MIB1: variants seen among roughly 807,000 people sequenced by gnomAD.
MIB1 encodes the protein E3 ubiquitin-protein ligase MIB1.
MIB1 carries 278 observed loss-of-function variants against 124.5 expected under a neutral mutation model. The observed-to-expected ratio is 2.23, with a 90% CI of 2.02 to 2.47. The LOEUF is 2.47. Ranked by LOEUF, MIB1 falls within the 30% of genes most tolerant of loss-of-function variation. The pLI is 0.00. For missense variants in MIB1, 957 were observed against 1,254.4 expected, an observed-to-expected ratio of 0.76 and a Z score of 3.58; for synonymous variants, 446 against 429.4, an observed-to-expected ratio of 1.04 and a Z score of -0.48.
At chr18:21,846,151 A>G (rs1339793456) in intron 15 of MIB1, among the ~76,000 whole-genome samples, 3 of 152,130 alleles carry the variant, frequency 2.0e-5, no homozygotes, top group African/African-American at 4.8e-5. Context: ...TGACTATTCT[A>G]AGTCCTTCAC....
chr18:21,817,262 C>T (rs532826175), intron 11 of MIB1, among the ~76,000 whole-genome samples: 46 of 149,886 alleles, frequency 3.1e-4, no homozygotes, highest in Admixed American at 2.1e-3. Context: ...TCAGGGCCCA[C>T]CTCAGCCTCC....
chr18:21,708,401 C>T (rs1045082918), intron 1 of MIB1, among the ~76,000 whole-genome samples: 1 of 152,196 alleles, frequency 6.6e-6, no homozygotes, highest in East Asian at 1.9e-4. Flanking sequence ...CGCCTGTAAT[C>T]CCAGCACTTT....
intron 1 of MIB1, among the ~76,000 whole-genome samples, chr18:21,723,602 G>A (rs370864860): frequency 4.6e-5 from 7 of 151,834 alleles, no homozygotes; most frequent in African/African-American, 1.7e-4. Flanking sequence ...TGCAACCTCC[G>A]CCTCCTGGGT....
chr18:21,729,138 T>C (rs2040756220), intron 1 of MIB1, among the ~76,000 whole-genome samples: 1 of 152,224 alleles, frequency 6.6e-6, no homozygotes, highest in African/African-American at 2.4e-5. Flanking sequence ...AATGACCTGC[T>C]TATATATCTG....
intron 1 of MIB1, among the ~76,000 whole-genome samples, chr18:21,714,595 T>G (rs148572155): frequency 5.3e-4 from 81 of 152,296 alleles, no homozygotes; most frequent in African/African-American, 1.9e-3. Context: ...TATCCTCCCA[T>G]GCTGAATCTG....
rs1320370853 is a variant in MIB1 at position 21,861,554 on chromosome 18, C to T, written c.2880+2908C>T. The stretch of plus-strand genomic sequence containing the variant: ...TTATACTTTCTTAAATAATCCTCAT[C>T]GCCATATTTTATCACTGAAGTATTT... On this transcript the variant is annotated intron_variant, in intron 20 of 20. Transcript: ENST00000261537. Among the ~76,000 whole-genome samples the T allele has an allele frequency of 3.3e-5, 5 of 151,632 alleles. No individual in the cohort carries two copies. The South Asian group carries it at 8.3e-4, about 25-fold the overall frequency.
chr18:21,783,798 G>C (rs2041400170), intron 6 of MIB1, among the ~76,000 whole-genome samples: 1 of 151,774 alleles, frequency 6.6e-6, no homozygotes, highest in Non-Finnish European at 1.5e-5. Flanking sequence ...TCAGGCTGTA[G>C]TGCAGTGACA....
At chr18:21,836,830 TA>T (rs1391217296) in intron 12 of MIB1, among the ~76,000 whole-genome samples, 2 of 152,222 alleles carry the variant, frequency 1.3e-5, no homozygotes, top group East Asian at 3.8e-4. Flanking sequence ...TGTATGGCAT[TA>T]ACATCATGAC....
At chr18:21,842,719 A>G (rs1173049977) in intron 13 of MIB1, among the ~76,000 whole-genome samples, 2 of 152,210 alleles carry the variant, frequency 1.3e-5, no homozygotes, top group Non-Finnish European at 2.9e-5. Flanking sequence ...AAGTGAACTT[A>G]TTAGGTCATT....
At chr18:21,806,625 G>T (rs867049126) in intron 10 of MIB1, among the ~76,000 whole-genome samples, 30 of 141,630 alleles carry the variant, frequency 2.1e-4, no homozygotes, top group South Asian at 6.7e-4. Flanking sequence ...TTTGTTTTTT[G>T]TTTTTTTTTT....
intron 1 of MIB1, among the ~76,000 whole-genome samples, chr18:21,724,730 AT>A (rs1568176742): frequency 4.3e-3 from 178 of 41,346 alleles, no homozygotes; most frequent in Middle Eastern, 0.012. Context: ...AAAAAAAAAT[AT>A]ATATATATAT....
At chr18:21,840,886 T>G (rs895359471) in intron 13 of MIB1, among the ~76,000 whole-genome samples, 2 of 151,624 alleles carry the variant, frequency 1.3e-5, no homozygotes, top group Non-Finnish European at 2.9e-5. Context: ...TATCTGACAA[T>G]GAGGTGCACA....
At chr18:21,737,792 A>G (rs371063276), upstream of MIB1, among the ~76,000 whole-genome samples, 6 of 152,244 alleles carry the variant, frequency 3.9e-5, no homozygotes, top group East Asian at 1.9e-4. Context: ...AGGGCATTAC[A>G]TAATGGTAAA....
upstream of MIB1, among the ~76,000 whole-genome samples, chr18:21,739,901 A>G (rs1390152656): frequency 6.6e-6 from 1 of 151,644 alleles, no homozygotes; most frequent in Non-Finnish European, 1.5e-5. Flanking sequence ...GCTGACAGTG[A>G]GACCCTGTCT....
At chr18:21,850,757 A>G (rs1376381512) in intron 17 of MIB1, among the ~76,000 whole-genome samples, 1 of 152,218 alleles carries the variant, frequency 6.6e-6, no homozygotes, top group Non-Finnish European at 1.5e-5. Flanking sequence ...TGCTTAATAA[A>G]TTAATGTGGA....
At chr18:21,705,674 A>G (rs1045395605) in intron 1 of MIB1, among the ~76,000 whole-genome samples, 8 of 152,214 alleles carry the variant, frequency 5.3e-5, no homozygotes, top group African/African-American at 1.9e-4. Context: ...ATGCCAAAGG[A>G]TTGTAAATTA....
chr18:21,862,594 A>G (rs1377386593), intron 20 of MIB1, among the ~76,000 whole-genome samples: 2 of 152,162 alleles, frequency 1.3e-5, no homozygotes, highest in Admixed American at 1.3e-4. Flanking sequence ...TATGTAACTA[A>G]GGCTAATTTG....
chr18:21,707,631 G>T (rs548783119), intron 1 of MIB1, among the ~76,000 whole-genome samples: 170 of 152,258 alleles, frequency 1.1e-3, no homozygotes, highest in African/African-American at 3.7e-3. Flanking sequence ...CACATCCGAA[G>T]ATCAGAAGGA....
At chr18:21,750,413 C>T (rs1271984274) in intron 1 of MIB1, among the ~76,000 whole-genome samples, 3 of 152,156 alleles carry the variant, frequency 2.0e-5, no homozygotes, top group Non-Finnish European at 2.9e-5. Flanking sequence ...CTGCAAGCTC[C>T]GCCTCTCGGG....
Sources: allele counts gnomAD v4.1 joint callset (sites outside exome capture counted in the v4.1 genomes callset), GRCh38; gene constraint gnomAD v4.1.1; transcripts MANE v1.5; gene names NCBI Gene and HGNC (gene_info 2026-07-23, HGNC 2026-07-21).